APLF: variants seen among roughly 807,000 people sequenced by gnomAD.
APLF encodes aprataxin and PNKP like factor, also known as aprataxin and PNK-like factor.
APLF carries 61 observed loss-of-function variants against 55.6 expected under a neutral mutation model. That is an observed-to-expected ratio of 1.10 (90% CI 0.89 to 1.36). The LOEUF is 1.36. APLF is among the 40% of genes most tolerant of loss of function. APLF has a pLI of 0.00. For missense variants in APLF, 611 were observed against 602.5 expected (o/e 1.01, Z -0.15); for synonymous variants, 207 against 214.8 (o/e 0.96, Z 0.32).
chr2:68,501,179 A>G (rs2103930019), intron 2 of APLF, among the ~76,000 whole-genome samples: 1 of 152,224 alleles, frequency 6.6e-6, no homozygotes, highest in South Asian at 2.1e-4. Flanking sequence ...TTCTTGTAAC[A>G]GATTTAAAGG....
At chr2:68,518,801 C>G (rs375351994) in intron 5 of APLF, among the ~76,000 whole-genome samples, 1 of 84,462 alleles carries the variant, frequency 1.2e-5, no homozygotes, top group Non-Finnish European at 2.3e-5. Context: ...TATTAATAAT[C>G]TATCATATAA....
intron 1 of APLF, among the ~76,000 whole-genome samples, chr2:68,478,732 T>A (rs1051103745): frequency 8.6e-5 from 13 of 151,520 alleles, no homozygotes; most frequent in Non-Finnish European, 1.6e-4. Context: ...AAAAAAAAAA[T>A]GCCACAAAGG....
chr2:68,576,840 C>T (rs115394704), intron 9 of APLF, among the ~76,000 whole-genome samples: 304 of 152,168 alleles, frequency 2.0e-3, no homozygotes, highest in Non-Finnish European at 3.4e-3. Context: ...TGTTTTTAAC[C>T]TATACATTTG....
At chr2:68,537,023 G>A (rs1288201351) in intron 6 of APLF, among the ~76,000 whole-genome samples, 1 of 151,906 alleles carries the variant, frequency 6.6e-6, no homozygotes, top group African/African-American at 2.4e-5. Flanking sequence ...AAATTAGCTG[G>A]GCATGGTAGC....
At chr2:68,536,893 A>T (rs1198909608) in intron 6 of APLF, among the ~76,000 whole-genome samples, 6 of 152,132 alleles carry the variant, frequency 3.9e-5, no homozygotes, top group Admixed American at 2.6e-4. Flanking sequence ...GGGGCTAGGC[A>T]TGGTGTCTCA....
intron 5 of APLF, among the ~76,000 whole-genome samples, chr2:68,519,040 A>G (rs905994877): frequency 1.2e-4 from 13 of 110,574 alleles, no homozygotes; most frequent in Admixed American, 1.1e-3. Flanking sequence ...TGATTAATAT[A>G]TAATAATATA....
chr2:68,571,246 C>G (rs1671452045), intron 9 of APLF, among the ~76,000 whole-genome samples: 1 of 151,916 alleles, frequency 6.6e-6, no homozygotes, highest in Non-Finnish European at 1.5e-5. Context: ...CTGTAGGTTG[C>G]CTGTTCACTC....
intron 8 of APLF, among the ~76,000 whole-genome samples, chr2:68,556,553 T>A (rs972032303): frequency 1.3e-5 from 2 of 152,200 alleles, no homozygotes; most frequent in Non-Finnish European, 2.9e-5. Context: ...CTCTGATGAA[T>A]AATAGGATTT....
At chr2:68,526,382 G>T (rs1221370409) in intron 6 of APLF, 140 bp downstream of exon 6, 1 of 1,438,548 alleles carries the variant, frequency 7.0e-7, no homozygotes, top group African/African-American at 1.4e-5. Flanking sequence ...AATTTTTTCA[G>T]ACTTACTGAA....
chr2:68,543,610 A>G (rs1670619391), intron 7 of APLF, among the ~76,000 whole-genome samples: 1 of 152,204 alleles, frequency 6.6e-6, no homozygotes, highest in Admixed American at 6.5e-5. Context: ...GAAAATGCAT[A>G]TAGATGTGCA....
chr2:68,519,038 A>T (rs1037878898), intron 5 of APLF, among the ~76,000 whole-genome samples: 1 of 123,828 alleles, frequency 8.1e-6, no homozygotes, highest in Non-Finnish European at 1.6e-5. Flanking sequence ...TATGATTAAT[A>T]TATAATAATA....
At chr2:68,477,927 C>T (rs1023274609) in intron 1 of APLF, among the ~76,000 whole-genome samples, 1 of 151,882 alleles carries the variant, frequency 6.6e-6, no homozygotes, top group Admixed American at 6.6e-5. Flanking sequence ...CCTAGTCCCA[C>T]CCTTGACATG....
At chr2:68,569,625 CA>C (rs1193053935) in intron 9 of APLF, among the ~76,000 whole-genome samples, 1 of 150,318 alleles carries the variant, frequency 6.7e-6, no homozygotes, top group African/African-American at 2.5e-5. Flanking sequence ...AATATTTTAC[CA>C]AAATCAAGCT....
At chr2:68,512,000 T>C (rs918311003) in intron 3 of APLF, among the ~76,000 whole-genome samples, 1 of 151,726 alleles carries the variant, frequency 6.6e-6, no homozygotes, top group Admixed American at 6.6e-5. Flanking sequence ...TTTTCTCAGC[T>C]AGACACACTT....
chr2:68,516,293 T>G (rs1669576084), intron 5 of APLF, among the ~76,000 whole-genome samples: 1 of 151,672 alleles, frequency 6.6e-6, no homozygotes, highest in Non-Finnish European at 1.5e-5. Flanking sequence ...TTGTTTGCCT[T>G]TTTTGATCTG....
intron 5 of APLF, among the ~76,000 whole-genome samples, chr2:68,516,663 C>A: frequency 6.7e-6 from 1 of 150,138 alleles, no homozygotes; most frequent in African/African-American, 2.4e-5. Context: ...CCTTAGCTCC[C>A]ACTTATAAAT....
chr2:68,503,022 ATG>A (rs1056817678), intron 3 of APLF, 119 bp downstream of exon 3: 17 of 1,068,400 alleles, frequency 1.6e-5, no homozygotes, highest in Admixed American at 1.0e-4. Flanking sequence ...TAGGTGTGTA[ATG>A]TGTGTGTACG....
chr2:68,530,487 A>T (rs979975012), intron 6 of APLF, among the ~76,000 whole-genome samples: 1 of 152,154 alleles, frequency 6.6e-6, no homozygotes, highest in Non-Finnish European at 1.5e-5. Flanking sequence ...CCAAGTATGT[A>T]AAGATTATGT....
In APLF at chr2:68,529,302, G is replaced by C. The variant is rs1395354252; in HGVS notation, c.804+3060G>C. The C allele has an allele frequency of 2.2e-6, 3 of 1,369,854 alleles. No homozygotes were observed. Among genetic ancestry groups the C allele is most frequent in the Non-Finnish European group, 2.8e-6 (3 of 1,056,222 alleles). The allele number at this position is 1,369,854 out of a possible 1,614,324, so 84.9% of individuals were successfully genotyped here. On this transcript the variant is annotated intron_variant, in intron 6 of 9. Coordinates refer to ENST00000303795, the MANE Select transcript of APLF (RefSeq NM_173545.3). This position sits in a 1 kb window ranked among gnomAD's most constrained non-coding sequence, Gnocchi z 4.4. ...AGATGTCGCTGACGGTTGAAGAGGAGTGGGAAACAGCCAAAGAGTCCTGGG... is the reference window on the plus strand; with the variant it reads ...AGATGTCGCTGACGGTTGAAGAGGACTGGGAAACAGCCAAAGAGTCCTGGG...
Sources: gnomAD v4.1 joint callset for allele counts (sites outside exome capture counted in the v4.1 genomes callset) on GRCh38, gnomAD v4.1.1 for gene constraint, Gnocchi (gnomAD v3.1) non-coding constraint, MANE v1.5 for transcripts, NCBI Gene and HGNC (gene_info 2026-07-23, HGNC 2026-07-21) for gene names.